LIMCH1: variants seen among roughly 807,000 people sequenced by gnomAD.
LIMCH1 encodes the protein LIM and calponin homology domains-containing protein 1.
In LIMCH1, 113 loss-of-function variants were observed where a neutral mutation model predicts 176.5. The ratio of observed to expected loss-of-function variants is 0.64; its 90% CI spans 0.55 to 0.75. The LOEUF (loss-of-function observed/expected upper bound fraction) is 0.75. LIMCH1 is among the 30% of genes least tolerant of loss of function. LIMCH1 has a pLI of 0.00. For synonymous variants in LIMCH1, 619 were observed against 645.9 expected (o/e 0.96, Z 0.63); for missense variants, 1,674 against 1,814.9 (o/e 0.92, Z 1.41).
chr4:41,448,404 T>C (rs1057215509), intron 1 of LIMCH1, among the ~76,000 whole-genome samples: 14 of 152,292 alleles, frequency 9.2e-5, no homozygotes, highest in South Asian at 6.2e-4. Context: ...GCAGTTACAT[T>C]ATACCTGCAG....
intron 1 of LIMCH1, among the ~76,000 whole-genome samples, chr4:41,485,655 G>A (rs549230297): frequency 1.7e-3 from 259 of 152,278 alleles, no homozygotes; most frequent in African/African-American, 6.0e-3. Context: ...GTGTTTCTAT[G>A]TTTACTCCTT....
At chr4:41,368,553 C>T (rs1442249721) in intron 1 of LIMCH1, among the ~76,000 whole-genome samples, 1 of 152,034 alleles carries the variant, frequency 6.6e-6, no homozygotes, top group Admixed American at 6.6e-5. Flanking sequence ...AAGCTAAGAC[C>T]ACGGAAGAAT....
chr4:41,381,328 G>C (rs974257601), intron 1 of LIMCH1, among the ~76,000 whole-genome samples: 1 of 152,152 alleles, frequency 6.6e-6, no homozygotes, highest in Non-Finnish European at 1.5e-5. Context: ...GGTGAATACC[G>C]GCTGTCTGTC....
intron 4 of LIMCH1, among the ~76,000 whole-genome samples, chr4:41,606,837 C>T (rs530053353): frequency 5.8e-4 from 88 of 152,262 alleles, no homozygotes; most frequent in African/African-American, 1.9e-3. Flanking sequence ...CTTGCTGTGT[C>T]GCCCAGGCTG....
chr4:41,650,191 A>G (rs1040498473), intron 17 of LIMCH1, among the ~76,000 whole-genome samples: 1 of 152,250 alleles, frequency 6.6e-6, no homozygotes, highest in Non-Finnish European at 1.5e-5. Flanking sequence ...CAGGCCAACT[A>G]CCTTTTAAGG....
At chr4:41,627,051 T>TGTG in intron 8 of LIMCH1, 41 bp downstream of exon 8, 1 of 1,505,986 alleles carries the variant, frequency 6.6e-7, no homozygotes, top group Non-Finnish European at 8.9e-7. Context: ...TGTGTGTGTG[T>TGTG]GTCTATGAAA....
chr4:41,509,486 C>T (rs898575122), intron 2 of LIMCH1, among the ~76,000 whole-genome samples: 1 of 152,206 alleles, frequency 6.6e-6, no homozygotes, highest in Admixed American at 6.5e-5. Context: ...GTAGGGTTCT[C>T]CCTTGTCCTT....
intron 1 of LIMCH1, among the ~76,000 whole-genome samples, chr4:41,380,768 T>C (rs1384557690): frequency 6.6e-6 from 1 of 152,206 alleles, no homozygotes; most frequent in Non-Finnish European, 1.5e-5. Context: ...TGATTATTTA[T>C]GTGGGGGTGT....
At chr4:41,624,570 C>CT (rs2092815863) in intron 7 of LIMCH1, among the ~76,000 whole-genome samples, 1 of 142,744 alleles carries the variant, frequency 7.0e-6, no homozygotes, top group African/African-American at 2.5e-5. Context: ...ACCGCAATTA[C>CT]TTGTGCACCG....
At position 41,442,498 on chromosome 4, in the gene LIMCH1, G is replaced by A. The variant is rs1332874831; in HGVS notation, c.97-52038G>A. On this transcript the variant is annotated intron_variant, in intron 1 of 26. Transcript: ENST00000313860. ...TCAAATATGTATTCATGGAGCAAAT[G>A]GATGAAGGAATTAATTGGGTGTATA... is the stretch of plus-strand genomic sequence containing the variant. Among the ~76,000 whole-genome samples, 10 of 152,268 alleles carry A rather than the reference G, an allele frequency of 6.6e-5. No homozygotes were observed. The South Asian group carries it at 1.9e-3, about 28-fold the overall frequency.
intron 17 of LIMCH1, among the ~76,000 whole-genome samples, chr4:41,648,548 A>G (rs1470066925): frequency 1.3e-5 from 2 of 152,204 alleles, no homozygotes; most frequent in Non-Finnish European, 2.9e-5. Flanking sequence ...GATGGCCTAC[A>G]GTTCCATTAC....
At chr4:41,562,006 T>A (rs1164910260) in intron 1 of LIMCH1, among the ~76,000 whole-genome samples, 2 of 152,172 alleles carry the variant, frequency 1.3e-5, no homozygotes, top group Non-Finnish European at 1.5e-5. Context: ...ATAGGCAGTA[T>A]CATTATTGCT....
chr4:41,487,001 C>CAT (rs35522271), intron 1 of LIMCH1, among the ~76,000 whole-genome samples: 39 of 148,506 alleles, frequency 2.6e-4, no homozygotes, highest in South Asian at 6.6e-4. Context: ...CACACACACA[C>CAT]ATATATATAT....
intron 1 of LIMCH1, among the ~76,000 whole-genome samples, chr4:41,367,218 G>A (rs903697450): frequency 6.6e-6 from 1 of 152,192 alleles, no homozygotes; most frequent in Non-Finnish European, 1.5e-5. Context: ...AGGATGGCTA[G>A]TGTATCTCAG....
intron 3 of LIMCH1, chr4:41,524,624 C>T (rs2076445245): frequency 1.5e-6 from 1 of 663,968 alleles, no homozygotes. Flanking sequence ...GAAGAGGTCA[C>T]TTAAAATGAA....
upstream of LIMCH1, among the ~76,000 whole-genome samples, chr4:41,534,812 A>G (rs1459470079): frequency 6.6e-6 from 1 of 152,252 alleles, no homozygotes; most frequent in Middle Eastern, 3.4e-3. Context: ...AAAGGAGTGA[A>G]AAAAGGAGTT....
chr4:41,695,872 G>A (rs981032271), intron 31 of LIMCH1, among the ~76,000 whole-genome samples: 1 of 151,906 alleles, frequency 6.6e-6, no homozygotes, highest in East Asian at 1.9e-4. Flanking sequence ...AAATATGCTT[G>A]TATTGGTCAA....
intron 1 of LIMCH1, among the ~76,000 whole-genome samples, chr4:41,557,649 G>T (rs1405492409): frequency 6.6e-6 from 1 of 151,774 alleles, no homozygotes; most frequent in Non-Finnish European, 1.5e-5. Flanking sequence ...TATCAGTGAG[G>T]TGTTAAAACA....
At chr4:41,365,120 G>A (rs931161408) in intron 1 of LIMCH1, among the ~76,000 whole-genome samples, 4 of 152,232 alleles carry the variant, frequency 2.6e-5, no homozygotes, top group African/African-American at 9.7e-5. Context: ...CCTTTAGGGA[G>A]GGACTGGAAA....
Sources: allele counts gnomAD v4.1 joint callset (sites outside exome capture counted in the v4.1 genomes callset), GRCh38; gene constraint gnomAD v4.1.1; transcripts MANE v1.5; gene names NCBI Gene and HGNC (gene_info 2026-07-23, HGNC 2026-07-21).